Variants in RALGAPA2 observed in about 807,000 individuals in gnomAD.
RALGAPA2 encodes the protein ral GTPase-activating protein subunit alpha-2.
Under a neutral mutation model 230.4 loss-of-function variants are expected in RALGAPA2, and 139 were observed. That is an observed-to-expected ratio of 0.60 (90% CI 0.53 to 0.69). The LOEUF is 0.69. Among genes scored for constraint, RALGAPA2 ranks in the 30% least tolerant of loss-of-function variants. The pLI is 0.00. For missense variants in RALGAPA2, 2,163 were observed against 2,276.0 expected, an observed-to-expected ratio of 0.95 and a Z score of 1.01; for synonymous variants, 847 against 837.8, an observed-to-expected ratio of 1.01 and a Z score of -0.19.
chr20:20,397,975 T>C (rs1348210307), intron 38 of RALGAPA2, among the ~76,000 whole-genome samples: 1 of 152,094 alleles, frequency 6.6e-6, no homozygotes, highest in African/African-American at 2.4e-5. Flanking sequence ...CAAGAGGTTC[T>C]GGGCTGCTGC....
chr20:20,533,553 TTA>T, intron 26 of RALGAPA2, among the ~76,000 whole-genome samples: 1 of 152,236 alleles, frequency 6.6e-6, no homozygotes, highest in Non-Finnish European at 1.5e-5. Flanking sequence ...GCAGGAGATT[TTA>T]ACATTTTTCT....
intron 8 of RALGAPA2, among the ~76,000 whole-genome samples, chr20:20,635,895 T>C (rs1306717253): frequency 6.6e-6 from 1 of 152,260 alleles, no homozygotes; most frequent in Non-Finnish European, 1.5e-5. Flanking sequence ...TTAACAATTT[T>C]GATAAATTAC....
At chr20:20,428,940 T>C (rs998275898) in intron 37 of RALGAPA2, among the ~76,000 whole-genome samples, 4 of 152,142 alleles carry the variant, frequency 2.6e-5, no homozygotes, top group African/African-American at 7.2e-5. Flanking sequence ...TTATAGTATA[T>C]TGGAGGATTC....
chr20:20,501,889 G>A (rs867623974), intron 35 of RALGAPA2, among the ~76,000 whole-genome samples: 3 of 152,212 alleles, frequency 2.0e-5, no homozygotes, highest in Admixed American at 6.5e-5. Context: ...CCCAAGGAGC[G>A]GAAGATACAT....
intron 24 of RALGAPA2, 117 bp from the exon 25 acceptor site, chr20:20,536,901 T>C (rs2063513016): frequency 8.2e-7 from 1 of 1,221,958 alleles, no homozygotes; most frequent in Admixed American, 2.8e-5. Flanking sequence ...GCCGAGTTAT[T>C]CTCTTCCAAG....
chr20:20,567,052 G>A (rs1023170903), intron 23 of RALGAPA2, among the ~76,000 whole-genome samples: 1 of 152,138 alleles, frequency 6.6e-6, no homozygotes, highest in Non-Finnish European at 1.5e-5. Flanking sequence ...ATTTAAAAGA[G>A]AATTTAACTT....
At chr20:20,657,779 T>C (rs2067640176) in intron 3 of RALGAPA2, among the ~76,000 whole-genome samples, 1 of 152,136 alleles carries the variant, frequency 6.6e-6, no homozygotes, top group African/African-American at 2.4e-5. Flanking sequence ...TGATCCCATC[T>C]TGCCACTTAA....
intron 37 of RALGAPA2, among the ~76,000 whole-genome samples, chr20:20,427,919 G>C (rs1222019608): frequency 6.6e-6 from 1 of 152,150 alleles, no homozygotes; most frequent in African/African-American, 2.4e-5. Flanking sequence ...ATTTCAGCAG[G>C]TACCTCTGAG....
intron 1 of RALGAPA2, among the ~76,000 whole-genome samples, chr20:20,706,042 A>C (rs986367743): frequency 1.3e-5 from 2 of 152,258 alleles, no homozygotes; most frequent in Admixed American, 6.5e-5. Flanking sequence ...TCAGTACTCT[A>C]CATACCTAGT....
intron 4 of RALGAPA2, among the ~76,000 whole-genome samples, chr20:20,646,866 G>T (rs986486009): frequency 2.0e-5 from 3 of 150,682 alleles, no homozygotes; most frequent in Non-Finnish European, 2.9e-5. Context: ...AAGAAAAAGG[G>T]TATACTTCTG....
chr20:20,416,649 A>T (rs2060171247), intron 37 of RALGAPA2, among the ~76,000 whole-genome samples: 1 of 152,246 alleles, frequency 6.6e-6, no homozygotes, highest in Non-Finnish European at 1.5e-5. Context: ...ATCTATACCC[A>T]GATCATGCTG....
At chr20:20,623,499 CAA>C (rs75858487) in intron 10 of RALGAPA2, among the ~76,000 whole-genome samples, 35 of 82,764 alleles carry the variant, frequency 4.2e-4, no homozygotes, top group African/African-American at 9.2e-4. Context: ...GATAGGCTTT[CAA>C]AAAAAAAAAA....
At chr20:20,487,333 A>C (rs759974343) in intron 36 of RALGAPA2, among the ~76,000 whole-genome samples, 8 of 152,266 alleles carry the variant, frequency 5.3e-5, no homozygotes, top group Middle Eastern at 3.4e-3. Context: ...AACTTTTCTT[A>C]AATAAGATCT....
At position 20,575,424 on chromosome 20, in the gene RALGAPA2, G is replaced by A. The variant is rs541866428; in HGVS notation, c.2708-2356C>T. Among the ~76,000 whole-genome samples the A allele has an allele frequency of 3.3e-4, 50 of 150,312 alleles. No individual in the cohort carries two copies. The South Asian group carries it at 9.2e-3, about 28-fold the overall frequency. On this transcript the variant is annotated intron_variant, in intron 20 of 39. Coordinates refer to ENST00000202677, the MANE Select transcript of RALGAPA2 (RefSeq NM_020343.4). ...GAGTTTGTTTTTTTTTTTTTTCCTG[G>A]AATTCAAAAGACTCTCTTCCTGCTC...
intron 23 of RALGAPA2, among the ~76,000 whole-genome samples, chr20:20,561,583 T>A (rs1482052190): frequency 6.6e-6 from 1 of 152,214 alleles, no homozygotes; most frequent in African/African-American, 2.4e-5. Flanking sequence ...TTTAGTAAGC[T>A]GAACCATTAT....
chr20:20,445,331 C>T (rs376507894), intron 37 of RALGAPA2, among the ~76,000 whole-genome samples: 1 of 152,154 alleles, frequency 6.6e-6, no homozygotes, highest in African/African-American at 2.4e-5. Context: ...CTATTACACC[C>T]AAAGTGCTGA....
intron 26 of RALGAPA2, among the ~76,000 whole-genome samples, chr20:20,533,255 G>A (rs1232052450): frequency 6.6e-6 from 1 of 151,904 alleles, no homozygotes; most frequent in East Asian, 1.9e-4. Context: ...AAGGTGGGAT[G>A]GGATAAAATT....
intron 26 of RALGAPA2, 21 bp from the exon 27 acceptor site, chr20:20,531,816 A>T: frequency 6.6e-7 from 1 of 1,525,470 alleles, no homozygotes; most frequent in Admixed American, 1.9e-5. Context: ...AGAAGAAAAC[A>T]GAGGAAAACT....
chr20:20,664,692 G>T (rs6082090), intron 3 of RALGAPA2, among the ~76,000 whole-genome samples: 11,842 of 152,138 alleles, frequency 0.078, 644 homozygotes, highest in East Asian at 0.16. Context: ...TTTATGCCAT[G>T]TTTTAGGGGA....
Sources: gnomAD v4.1 joint callset for allele counts (sites outside exome capture counted in the v4.1 genomes callset) on GRCh38, gnomAD v4.1.1 for gene constraint, MANE v1.5 for transcripts, NCBI Gene and HGNC (gene_info 2026-07-23, HGNC 2026-07-21) for gene names.